Variants in PCDHGA3 observed in about 807,000 individuals in gnomAD.
PCDHGA3 encodes protocadherin gamma subfamily A, 3.
PCDHGA3 carries 40 observed loss-of-function variants against 58.5 expected under a neutral mutation model. That is an observed-to-expected ratio of 0.68 (90% CI 0.53 to 0.89). PCDHGA3 has a LOEUF of 0.89. PCDHGA3 is among the 40% of genes least tolerant of loss of function. PCDHGA3 has a pLI of 0.00. For synonymous variants in PCDHGA3, 530 were observed against 525.7 expected, an observed-to-expected ratio of 1.01 and a Z score of -0.11; for missense variants, 1,223 against 1,195.9, an observed-to-expected ratio of 1.02 and a Z score of -0.33.
intron 1 of PCDHGA3, among the ~76,000 whole-genome samples, chr5:141,362,988 G>A (rs1762757672): frequency 6.6e-6 from 1 of 152,224 alleles, no homozygotes; most frequent in South Asian, 2.1e-4. Flanking sequence ...TTGCATAATG[G>A]CATGGCTTGT....
chr5:141,364,999 C>A, intron 1 of PCDHGA3: 1 of 1,613,864 alleles, frequency 6.2e-7, no homozygotes, highest in South Asian at 1.1e-5. Context: ...CGGTACTCTC[C>A]GGCACCACGC....
rs747179611 is a variant in PCDHGA3 at position 141,476,473 on chromosome 5, C to T, written c.2425-18334C>T. ...TAGTGGAGAACCCGCTGGAGCTGTT[C>T]AGCGTGGAAGTGGTGATCCAGGACA... On this transcript the variant is annotated intron_variant, in intron 1 of 3. Coordinates refer to ENST00000253812, the MANE Select transcript of PCDHGA3 (RefSeq NM_018916.4). The surrounding 1 kb of genome is among the most constrained non-coding windows in gnomAD (Gnocchi z 7.6). 3.1e-6 allele frequency: 5 copies of T among 1,613,888 alleles called. No homozygotes were observed. The highest frequency in any genetic ancestry group is 3.3e-5 in the Admixed American group (2 of 59,984).
intron 1 of PCDHGA3, chr5:141,355,141 G>C: frequency 6.6e-7 from 1 of 1,526,010 alleles, no homozygotes. Flanking sequence ...AGATCCTGGG[G>C]CTCCTCAGGC....
chr5:141,419,122 C>T (rs1418298635), intron 1 of PCDHGA3: 2 of 1,613,862 alleles, frequency 1.2e-6, no homozygotes, highest in African/African-American at 1.3e-5. Flanking sequence ...ACAACGTCAC[C>T]ATCGCAGCCA....
In PCDHGA3 at chr5:141,422,843, G is replaced by C. The variant is rs778670588; in HGVS notation, c.2425-71964G>C. 1.9e-6 allele frequency: 3 copies of C among 1,614,234 alleles called. No homozygotes were observed. In the East Asian group the frequency reaches 6.7e-5, roughly 36 times the overall value. ...CTGAGAGTGATAGCACGTGACAGCG[G>C]GGACCCGCCCCTCAGCAGCAACGTG... is the stretch of plus-strand genomic sequence containing the variant. On this transcript the variant is annotated intron_variant, in intron 1 of 3. Coordinates refer to ENST00000253812, the MANE Select transcript of PCDHGA3 (RefSeq NM_018916.4).
chr5:141,398,654 C>G, intron 1 of PCDHGA3: 1 of 1,613,998 alleles, frequency 6.2e-7, no homozygotes, highest in South Asian at 1.1e-5. Context: ...TCTCTTAACC[C>G]AAGTTTCTCA....
At position 141,381,559 on chromosome 5, in the gene PCDHGA3, A is replaced by G. The variant is rs547767768; in HGVS notation, c.2424+35102A>G. 3.2e-4 allele frequency among the ~76,000 whole-genome samples: 48 copies of G among 152,342 alleles called. No individual in the cohort carries two copies. In the Middle Eastern group the frequency reaches 0.01, roughly 32 times the overall value. ...AGGATGAAGACTTGAATTGAATTGC[A>G]TAATGAAAAGAATCAGCCAATCCAT... On this transcript the variant is annotated intron_variant, in intron 1 of 3. Transcript: ENST00000253812.
chr5:141,476,820 T>C lies in PCDHGA3; in HGVS notation c.2425-17987T>C, dbSNP rs368919360. 6.2e-7 allele frequency: 1 copy of C among 1,613,594 alleles called. No individual in the cohort carries two copies. Among genetic ancestry groups the C allele is most frequent in the African/African-American group, 1.3e-5 (1 of 75,066 alleles). The stretch of plus-strand genomic sequence containing the variant: ...AGCCTGCCTATTCACATCAAGGTGC[T>C]GGACGCGAATGACAATGCGCCTGTC... On this transcript the variant is annotated intron_variant, in intron 1 of 3. Transcript: ENST00000253812. This position sits in a 1 kb window ranked among gnomAD's most constrained non-coding sequence, Gnocchi z 7.6.
At chr5:141,409,808 G>C in intron 1 of PCDHGA3, 2 of 1,611,624 alleles carry the variant, frequency 1.2e-6, no homozygotes, top group East Asian at 2.2e-5. Context: ...GCAGGCCCGC[G>C]ACCACGGCTC....
intron 1 of PCDHGA3, among the ~76,000 whole-genome samples, chr5:141,472,266 G>A (rs931951683): frequency 2.0e-5 from 3 of 152,198 alleles, no homozygotes. Flanking sequence ...TTATAGCCGG[G>A]CACAGTGGCT....
chr5:141,499,404 T>G (rs1468724077), intron 2 of PCDHGA3, among the ~76,000 whole-genome samples: 3 of 152,178 alleles, frequency 2.0e-5, no homozygotes, highest in African/African-American at 7.2e-5. Context: ...ACATGCTCAT[T>G]ATAGAAACAT....
intron 1 of PCDHGA3, chr5:141,415,388 G>A (rs752789407): frequency 1.2e-6 from 2 of 1,614,236 alleles, no homozygotes; most frequent in Non-Finnish European, 1.7e-6. Context: ...GGCTTGACAG[G>A]TGTGTCCGGC....
chr5:141,403,623 G>A (rs765775423), intron 1 of PCDHGA3: 1 of 1,613,898 alleles, frequency 6.2e-7, no homozygotes, highest in South Asian at 1.1e-5. Context: ...CGTCGCTCCA[G>A]CACAGTGCGC....
chr5:141,371,675 A>T (rs1373502908), intron 1 of PCDHGA3: 3 of 1,614,002 alleles, frequency 1.9e-6, no homozygotes, highest in South Asian at 2.2e-5. Context: ...CTACCGACAA[A>T]GGCAATCCAC....
rs546603908 is a variant in PCDHGA3, at chr5:141,408,104, C to G, written c.2424+61647C>G. ...ACAGCGGATTGCCAGCTCCGAGACCCGGGACTCCTCCTGTCCTGGGCCGAA... is the reference window on the plus strand; with the variant it reads ...ACAGCGGATTGCCAGCTCCGAGACCGGGGACTCCTCCTGTCCTGGGCCGAA... On this transcript the variant is annotated intron_variant, in intron 1 of 3. Coordinates refer to ENST00000253812, the MANE Select transcript of PCDHGA3 (RefSeq NM_018916.4). The G allele has an allele frequency of 2.8e-3, 4,048 of 1,441,886 alleles. 13 individuals carry two copies. Among genetic ancestry groups the G allele is most frequent in the Admixed American group, 6.6e-3 (242 of 36,606 alleles). 89.3% of individuals were successfully genotyped at this position (1,441,886 alleles called of 1,614,324 possible). A position where few individuals can be genotyped will look rare whatever the true frequency, so the allele number is the denominator to read the frequency against.
intron 1 of PCDHGA3, among the ~76,000 whole-genome samples, chr5:141,463,393 C>CA (rs955461719): frequency 5.7e-5 from 8 of 140,804 alleles, no homozygotes; most frequent in Non-Finnish European, 7.6e-5. Flanking sequence ...TGTCTCCAGG[C>CA]AAAAAAAATG....
At chr5:141,421,824 A>G in intron 1 of PCDHGA3, 1 of 1,613,768 alleles carries the variant, frequency 6.2e-7, no homozygotes, top group Non-Finnish European at 8.5e-7. Flanking sequence ...TACTGGAGGG[A>G]AGCCTGGACC....
At chr5:141,504,961 G>A (rs995382728) in intron 2 of PCDHGA3, among the ~76,000 whole-genome samples, 2 of 151,928 alleles carry the variant, frequency 1.3e-5, no homozygotes, top group Non-Finnish European at 2.9e-5. Flanking sequence ...TCAATGCATT[G>A]GACCAGCCTG....
chr5:141,421,561 G>T (rs2096583505), intron 1 of PCDHGA3: 1 of 1,613,992 alleles, frequency 6.2e-7, no homozygotes, highest in Non-Finnish European at 8.5e-7. Context: ...ACTTCTCGTG[G>T]AAGACACCTT....
Sources: allele counts gnomAD v4.1 joint callset (sites outside exome capture counted in the v4.1 genomes callset), GRCh38; gene constraint gnomAD v4.1.1; non-coding constraint Gnocchi (gnomAD v3.1); transcripts MANE v1.5; gene names NCBI Gene and HGNC (gene_info 2026-07-23, HGNC 2026-07-21).